KIAA1217: variants seen among roughly 807,000 people sequenced by gnomAD.
KIAA1217 encodes sickle tail protein homolog.
In KIAA1217, 88 loss-of-function variants were observed where a neutral mutation model predicts 163.9. The observed-to-expected ratio is 0.54, with a 90% CI of 0.45 to 0.64. The LOEUF is 0.64. KIAA1217 is among the 30% of genes least tolerant of loss of function. The probability of loss-of-function intolerance (pLI) is 0.00; values close to 1 mark genes in which losing one functional copy is unlikely to be tolerated. For missense variants in KIAA1217, 2,372 were observed against 2,475.0 expected (o/e 0.96, Z 0.88); for synonymous variants, 903 against 923.1 (o/e 0.98, Z 0.39).
chr10:23,929,451 C>G (rs899230434), intron 1 of KIAA1217, among the ~76,000 whole-genome samples: 3 of 152,116 alleles, frequency 2.0e-5, no homozygotes, highest in Non-Finnish European at 4.4e-5. Context: ...TTTTTCAATA[C>G]TTGCTCACTT....
At chr10:24,378,332 T>A (rs1489012877) in intron 2 of KIAA1217, among the ~76,000 whole-genome samples, 1 of 152,132 alleles carries the variant, frequency 6.6e-6, no homozygotes, top group Non-Finnish European at 1.5e-5. Flanking sequence ...TTCAGTCCAA[T>A]CAGGAAAGAC....
chr10:24,344,947 A>G (rs2047536171), intron 2 of KIAA1217, among the ~76,000 whole-genome samples: 1 of 152,196 alleles, frequency 6.6e-6, no homozygotes, highest in South Asian at 2.1e-4. Context: ...TCAACCATCC[A>G]GGTGGCTAAT....
intron 3 of KIAA1217, among the ~76,000 whole-genome samples, chr10:24,420,877 T>G (rs2058674199): frequency 6.6e-6 from 1 of 152,236 alleles, no homozygotes; most frequent in Non-Finnish European, 1.5e-5. Flanking sequence ...GTAGTCTTGT[T>G]TGTCCTATCC....
chr10:24,309,350 GCACACACACACACACA>G (rs760597469), intron 2 of KIAA1217, among the ~76,000 whole-genome samples: 4 of 132,342 alleles, frequency 3.0e-5, no homozygotes, highest in Middle Eastern at 7.2e-3. Context: ...ACGCGCGCGC[GCACACACACACACACA>G]CACACACACA....
At chr10:24,130,263 G>A (rs371316786) in intron 2 of KIAA1217, among the ~76,000 whole-genome samples, 1 of 152,142 alleles carries the variant, frequency 6.6e-6, no homozygotes, top group Non-Finnish European at 1.5e-5. Flanking sequence ...AAGCTCCTGG[G>A]CTACTGGGTT....
chr10:24,344,418 A>G (rs1289483309), intron 2 of KIAA1217, among the ~76,000 whole-genome samples: 1 of 152,186 alleles, frequency 6.6e-6, no homozygotes, highest in African/African-American at 2.4e-5. Flanking sequence ...TTTCGTATAA[A>G]TGTCTTTGCT....
intron 1 of KIAA1217, among the ~76,000 whole-genome samples, chr10:23,774,520 G>A (rs756926127): frequency 6.6e-6 from 1 of 152,172 alleles, no homozygotes; most frequent in Non-Finnish European, 1.5e-5. Flanking sequence ...GGGGCCCACT[G>A]CCTAGGTCTG....
intron 2 of KIAA1217, among the ~76,000 whole-genome samples, chr10:24,287,711 G>A (rs1005627644): frequency 2.6e-5 from 4 of 152,072 alleles, no homozygotes; most frequent in African/African-American, 9.7e-5. Flanking sequence ...AAGAATATTT[G>A]CTTTGCTCAT....
chr10:23,760,335 AC>A lies in KIAA1217; in HGVS notation c.-321+65103del, dbSNP rs1834193331. Reference sequence around the variant, plus strand: ...GCAGCAGATAGAAGTTCCTATTTTCACCTCAATGCTTATTGAATCAGGCTTT... The same window carrying A: ...GCAGCAGATAGAAGTTCCTATTTTCACTCAATGCTTATTGAATCAGGCTTT... On this transcript the variant is annotated intron_variant, in intron 1 of 18. Transcript: ENST00000376462. Among the ~76,000 whole-genome samples, 6 of 152,120 alleles carry A rather than the reference AC, an allele frequency of 3.9e-5. 1 individual carries two copies. The South Asian group carries it at 1.2e-3, about 32-fold the overall frequency.
At chr10:24,438,919 T>G (rs949457199) in intron 5 of KIAA1217, among the ~76,000 whole-genome samples, 3 of 152,222 alleles carry the variant, frequency 2.0e-5, no homozygotes, top group African/African-American at 7.2e-5. Context: ...TCTAACATTC[T>G]AATTCAATTT....
At chr10:23,999,107 A>G (rs1291081961) in intron 1 of KIAA1217, among the ~76,000 whole-genome samples, 1 of 152,238 alleles carries the variant, frequency 6.6e-6, no homozygotes, top group Non-Finnish European at 1.5e-5. Flanking sequence ...CACAATTTAT[A>G]AGAAAACAAC....
At chr10:24,185,239 C>A (rs1288364982) in intron 2 of KIAA1217, among the ~76,000 whole-genome samples, 1 of 152,118 alleles carries the variant, frequency 6.6e-6, no homozygotes, top group African/African-American at 2.4e-5. Flanking sequence ...CACAGGTAAC[C>A]TGCAGGATAA....
intron 2 of KIAA1217, among the ~76,000 whole-genome samples, chr10:24,328,231 G>T (rs768979639): frequency 3.3e-5 from 5 of 152,178 alleles, no homozygotes; most frequent in African/African-American, 1.2e-4. Context: ...AAAATTAGGG[G>T]GTTATGTAGC....
At chr10:24,407,285 TGC>T (rs1195328641) in intron 3 of KIAA1217, among the ~76,000 whole-genome samples, 3 of 148,806 alleles carry the variant, frequency 2.0e-5, no homozygotes, top group South Asian at 2.1e-4. Flanking sequence ...TGTGTGTGTG[TGC>T]GTGCGTGTGC....
rs891877459 is a variant in KIAA1217 at position 24,112,910 on chromosome 10, A to G, written c.-171+105536A>G. On this transcript the variant is annotated intron_variant, in intron 2 of 18. Transcript: ENST00000376462. ...CATGACTGGTGTTCTTATAAGAAGA[A>G]GGGCCACACAGAGACACAGGAGAAT... Among the ~76,000 whole-genome samples the G allele has an allele frequency of 2.0e-5, 3 of 152,102 alleles. No individual in the cohort carries two copies. The South Asian group carries it at 6.2e-4, about 32-fold the overall frequency.
chr10:24,459,318 C>T (rs183354355), intron 5 of KIAA1217, among the ~76,000 whole-genome samples: 2 of 152,332 alleles, frequency 1.3e-5, no homozygotes, highest in African/African-American at 2.4e-5. Context: ...GTTCCTCAGT[C>T]ATCCCCACCA....
intron 2 of KIAA1217, among the ~76,000 whole-genome samples, chr10:24,186,772 C>T (rs2066452379): frequency 6.6e-6 from 1 of 152,118 alleles, no homozygotes; most frequent in African/African-American, 2.4e-5. Flanking sequence ...TGCCTGTAAT[C>T]CCAGCTATCA....
At chr10:24,395,980 A>G (rs187178302) in intron 3 of KIAA1217, among the ~76,000 whole-genome samples, 95 of 152,230 alleles carry the variant, frequency 6.2e-4, no homozygotes, top group Middle Eastern at 3.4e-3. Context: ...AGCCTATAGG[A>G]GCCTTCTTAA....
chr10:24,531,692 CT>C, intron 14 of KIAA1217, 137 bp from the exon 15 acceptor site: 1 of 749,966 alleles, frequency 1.3e-6, no homozygotes, highest in Non-Finnish European at 2.0e-6. Context: ...TCTTTAGGGT[CT>C]ATACACTTAA....
Sources: gnomAD v4.1 joint callset for allele counts (sites outside exome capture counted in the v4.1 genomes callset) on GRCh38, gnomAD v4.1.1 for gene constraint, MANE v1.5 for transcripts, NCBI Gene and HGNC (gene_info 2026-07-23, HGNC 2026-07-21) for gene names.